Variants in CLPTM1 observed in about 807,000 individuals in gnomAD.
CLPTM1 encodes the protein CLPTM1 regulator of GABA type A receptor forward trafficking.
Under a neutral mutation model 77.3 loss-of-function variants are expected in CLPTM1, and 21 were observed. The observed-to-expected ratio is 0.27, with a 90% confidence interval of 0.19 to 0.39. The LOEUF is 0.39. Ranked by LOEUF, CLPTM1 falls within the 10% of genes least tolerant of loss-of-function variation. The probability of loss-of-function intolerance (pLI) is 1.00; values close to 1 mark genes in which losing one functional copy is unlikely to be tolerated. For missense variants in CLPTM1, 642 were observed against 921.2 expected (o/e 0.70, Z 3.92); for synonymous variants, 373 against 381.0 (o/e 0.98, Z 0.24).
intron 1 of CLPTM1, among the ~76,000 whole-genome samples, chr19:44,960,940 A>G (rs1046720647): frequency 2.0e-5 from 3 of 152,194 alleles, no homozygotes; most frequent in African/African-American, 7.2e-5. Context: ...CTGGGGAGCT[A>G]GCAGGGTGCG....
rs1440262611 is a variant in CLPTM1, at chr19:44,991,171, G to T, written c.1420-67G>T. ...TGCCAGACCAGGTGTGGTGGGTGAG[G>T]GCGGGGAGCAGGGCTGCCAGGCAGG... On this transcript the variant is annotated intron_variant, in intron 11 of 13. Transcript: ENST00000337392. This position sits in a 1 kb window ranked among gnomAD's most constrained non-coding sequence, Gnocchi z 5.4. 6.2e-7 allele frequency: 1 copy of T among 1,602,070 alleles called. No homozygotes were observed. Among genetic ancestry groups the T allele is most frequent in the East Asian group, 2.2e-5 (1 of 44,698 alleles).
chr19:44,969,687 C>CTTTT (rs11330180), intron 2 of CLPTM1, among the ~76,000 whole-genome samples: 1 of 132,520 alleles, frequency 7.5e-6, no homozygotes, highest in African/African-American at 2.8e-5. Context: ...TTTAAGGACA[C>CTTTT]TTTTTTTTTT....
chr19:44,966,361 A>G (rs1284267212), intron 2 of CLPTM1, among the ~76,000 whole-genome samples: 1 of 152,192 alleles, frequency 6.6e-6, no homozygotes, highest in Non-Finnish European at 1.5e-5. Flanking sequence ...CAGTGTGCCA[A>G]GATGCCGCCA....
chr19:44,973,766 T>TTTTTG lies in CLPTM1; in HGVS notation c.309+560_309+561insGTTTT, dbSNP rs200537505. ...TTCTTGTTGGGTCACAGTGGGTTTT[T>TTTTTG]TTTTTTTTTTTTTTTGAGATGGAGT... On this transcript the variant is annotated intron_variant, in intron 3 of 13. Coordinates refer to ENST00000337392, the MANE Select transcript of CLPTM1 (RefSeq NM_001294.4). Among the ~76,000 whole-genome samples the TTTTTG allele has an allele frequency of 4.1e-3, 107 of 26,086 alleles. 10 individuals are homozygous for TTTTTG. Among genetic ancestry groups the TTTTTG allele is most frequent in the East Asian group, 0.026 (36 of 1,388 alleles). 17.1% of individuals were successfully genotyped at this position (26,086 alleles called of 152,430 possible). A position where few individuals can be genotyped will look rare whatever the true frequency, so the allele number is the denominator to read the frequency against.
chr19:44,955,292 G>A (rs1319706772), upstream of CLPTM1: 4 of 1,446,624 alleles, frequency 2.8e-6, no homozygotes, highest in Non-Finnish European at 3.6e-6. Flanking sequence ...TGCCGGATAG[G>A]GTGGCCCGGC....
chr19:44,955,250 G>A (rs1186401200), upstream of CLPTM1: 2 of 1,490,778 alleles, frequency 1.3e-6, no homozygotes, highest in African/African-American at 1.4e-5. Context: ...AGCCGGAAGT[G>A]GCCTTCCTGA....
intron 1 of CLPTM1, among the ~76,000 whole-genome samples, chr19:44,960,775 C>T (rs1363874646): frequency 6.6e-6 from 1 of 152,148 alleles, no homozygotes; most frequent in Non-Finnish European, 1.5e-5. Context: ...CGGGGTGAGT[C>T]CTTCAGGCAG....
intron 2 of CLPTM1, among the ~76,000 whole-genome samples, chr19:44,969,219 A>G (rs1270934709): frequency 2.0e-5 from 3 of 152,154 alleles, no homozygotes; most frequent in Non-Finnish European, 4.4e-5. Flanking sequence ...ATATAATTTA[A>G]TGTGTTTAAT....
At position 44,988,184 on chromosome 19, in the gene CLPTM1, G is replaced by C; in HGVS notation, c.1132+11G>C. The C allele has an allele frequency of 6.3e-7, 1 of 1,595,534 alleles. No individual in the cohort carries two copies. The highest frequency in any genetic ancestry group is 8.6e-7 in the Non-Finnish European group (1 of 1,163,002). ...TGGCCTTCAAGAATGGTAGGAACAG[G>C]ACCCCAGGGCTAGTGAGAGGCTGTG... is the stretch of plus-strand genomic sequence containing the variant. On this transcript the variant is annotated intron_variant, in intron 9 of 13. Coordinates refer to ENST00000337392, the MANE Select transcript of CLPTM1 (RefSeq NM_001294.4).
intron 2 of CLPTM1, among the ~76,000 whole-genome samples, chr19:44,968,886 G>A (rs1385821558): frequency 1.3e-5 from 2 of 152,148 alleles, no homozygotes; most frequent in Non-Finnish European, 2.9e-5. Context: ...TGCATATCAG[G>A]GACTTCATGG....
At chr19:44,968,322 G>A (rs1009693283) in intron 2 of CLPTM1, among the ~76,000 whole-genome samples, 1 of 152,140 alleles carries the variant, frequency 6.6e-6, no homozygotes, top group Non-Finnish European at 1.5e-5. Context: ...AGCGGGTGGC[G>A]TCTGTGTTTT....
chr19:44,974,355 G>T, intron 3 of CLPTM1, 84 bp from the exon 4 acceptor site: 1 of 1,405,098 alleles, frequency 7.1e-7, no homozygotes, highest in Non-Finnish European at 9.8e-7. Flanking sequence ...CCCTGAGTGT[G>T]CTGACCGCTG....
At chr19:44,966,748 C>A (rs927179490) in intron 2 of CLPTM1, among the ~76,000 whole-genome samples, 2 of 151,814 alleles carry the variant, frequency 1.3e-5, no homozygotes, top group Non-Finnish European at 2.9e-5. Flanking sequence ...GGAGCTGGCA[C>A]GCACACAGAC....
intron 3 of CLPTM1, among the ~76,000 whole-genome samples, chr19:44,973,768 T>TGTTTTTGTTTTTGTTTTTG (rs1970760856): frequency 1.4e-5 from 2 of 139,780 alleles, no homozygotes; most frequent in African/African-American, 5.4e-5. Flanking sequence ...TGGGTTTTTT[T>TGTTTTTGTTTTTGTTTTTG]TTTTTTTTTT....
chr19:44,993,097 C>G lies in CLPTM1; in HGVS notation c.*200C>G. 1 of 681,562 alleles carries G rather than the reference C, an allele frequency of 1.5e-6. No homozygotes were observed. The highest frequency in any genetic ancestry group is 1.5e-5 in the South Asian group (1 of 68,668). 42.2% of individuals were successfully genotyped at this position (681,562 alleles called of 1,614,324 possible). A position where few individuals can be genotyped will look rare whatever the true frequency, so the allele number is the denominator to read the frequency against. On this transcript the variant is annotated 3_prime_UTR_variant, in exon 14 of 14. Coordinates refer to ENST00000337392, the MANE Select transcript of CLPTM1 (RefSeq NM_001294.4). ...GTTTGTGGAGGCGCTGTCTGTCCCTCTGTCCCTCTGTGTTTCCAGCCATCT... is the reference window on the plus strand; with the variant it reads ...GTTTGTGGAGGCGCTGTCTGTCCCTGTGTCCCTCTGTGTTTCCAGCCATCT...
In CLPTM1 at chr19:44,992,804, G is replaced by C. The variant is rs369893769; in HGVS notation, c.1917G>C (p.Thr639=). 8 of 1,613,094 alleles carry C rather than the reference G, an allele frequency of 5.0e-6. No homozygotes were observed. The East Asian group carries it at 1.8e-4, about 36-fold the overall frequency. ...CCGCCACCAGGGAGGAGGCCTCCACGTCCCTGCCCACCAAGCCCACCCAGG... is the reference window on the plus strand; with the variant it reads ...CCGCCACCAGGGAGGAGGCCTCCACCTCCCTGCCCACCAAGCCCACCCAGG... The part of the protein sequence containing the change: ...TTTATREEAS[T]SLPTKPTQGA... Residue 639 remains threonine (T), a synonymous_variant, in exon 14 of 14, where the codon ACG becomes ACC. Transcript: ENST00000337392. The surrounding 1 kb of genome is among the most constrained non-coding windows in gnomAD (Gnocchi z 7.7).
In CLPTM1 at chr19:44,986,572, C is replaced by G; in HGVS notation, c.790C>G (p.Gln264Glu). Residue 264 changes from glutamine (Q) to glutamate (E), a missense_variant, in exon 7 of 14, where the codon CAA (glutamine) becomes GAA (glutamate). Gln to Glu is a conservative substitution (Grantham distance 29). Around this residue, in one of 2 missense-constraint regions of CLPTM1, gnomAD observed 521 missense variants for 800.4 expected, o/e 0.65. Coordinates refer to ENST00000337392, the MANE Select transcript of CLPTM1 (RefSeq NM_001294.4). Reference protein sequence around the residue: ...VKGSVPPPLDQYVKFDAVSGD... With the variant: ...VKGSVPPPLDEYVKFDAVSGD... ...GGGCAGTGTGCCCCCTCCCCTGGAT[C>G]AATGTAAGCTCCCCAGCCCTGCCAG... 1.9e-6 allele frequency: 3 copies of G among 1,613,562 alleles called. No homozygotes were observed. Among genetic ancestry groups the G allele is most frequent in the African/African-American group, 2.7e-5 (2 of 75,042 alleles).
chr19:44,977,244 A>G (rs1381937562), intron 4 of CLPTM1, 99 bp from the exon 5 acceptor site: 5 of 858,822 alleles, frequency 5.8e-6, no homozygotes, highest in Non-Finnish European at 9.7e-6. Flanking sequence ...CAGAGAGTTG[A>G]GGGGGAGGAA....
Position 44,993,029 on chromosome 19 carries a change from A to G in CLPTM1, c.*132A>G. The G allele has an allele frequency of 8.5e-7, 1 of 1,176,882 alleles. No individual in the cohort carries two copies. The highest frequency in any genetic ancestry group is 1.2e-6 in the Non-Finnish European group (1 of 815,488). The allele number at this position is 1,176,882 out of a possible 1,614,324, so 72.9% of individuals were successfully genotyped here. On this transcript the variant is annotated 3_prime_UTR_variant, in exon 14 of 14. Coordinates refer to ENST00000337392, the MANE Select transcript of CLPTM1 (RefSeq NM_001294.4). Reference sequence around the variant, plus strand: ...GGCGGTGGGAGGCCCGCCTCAGGTCAGGGCCCAGCGTGTGATGTAGGGGCC... The same window carrying G: ...GGCGGTGGGAGGCCCGCCTCAGGTCGGGGCCCAGCGTGTGATGTAGGGGCC...
Sources: allele counts gnomAD v4.1 joint callset (sites outside exome capture counted in the v4.1 genomes callset), GRCh38; gene constraint gnomAD v4.1.1; regional missense constraint gnomAD v4.1.1; non-coding constraint Gnocchi (gnomAD v3.1); transcripts MANE v1.5; gene names NCBI Gene and HGNC (gene_info 2026-07-23, HGNC 2026-07-21).